RBFOX2: variants seen among roughly 807,000 people sequenced by gnomAD.
RBFOX2 encodes the protein RNA binding protein fox-1 homolog 2.
A neutral mutation model predicts 49.1 loss-of-function variants in RBFOX2; 10 were observed. That is an observed-to-expected ratio of 0.20 (90% confidence interval 0.13 to 0.35). The LOEUF is 0.35. Among genes scored for constraint, RBFOX2 ranks in the 10% least tolerant of loss-of-function variants. The probability of loss-of-function intolerance (pLI) is 1.00; values close to 1 mark genes in which losing one functional copy is unlikely to be tolerated. For missense variants in RBFOX2, 323 were observed against 486.9 expected, an observed-to-expected ratio of 0.66 and a Z score of 3.17; for synonymous variants, 183 against 187.4, an observed-to-expected ratio of 0.98 and a Z score of 0.19.
intron 1 of RBFOX2, among the ~76,000 whole-genome samples, chr22:35,850,423 G>A (rs1403795144): frequency 6.6e-6 from 1 of 152,058 alleles, no homozygotes; most frequent in Non-Finnish European, 1.5e-5. Context: ...AGGACAGCTG[G>A]CAGGATCAGC....
intron 1 of RBFOX2, among the ~76,000 whole-genome samples, chr22:36,015,292 A>G (rs2058991162): frequency 6.6e-6 from 1 of 152,244 alleles, no homozygotes; most frequent in Non-Finnish European, 1.5e-5. Context: ...ACATATATGA[A>G]ACGGACTGCT....
chr22:35,866,234 GTATTTCCTAAATACCTTTGTAGTCT>G (rs1203468881), intron 1 of RBFOX2, among the ~76,000 whole-genome samples: 9 of 152,082 alleles, frequency 5.9e-5, no homozygotes, highest in Admixed American at 1.3e-4. Context: ...AATTAAATAT[GTATTTCCTAAATACCTTTGTAGTCT>G]TATGATTCTT....
intron 1 of RBFOX2, among the ~76,000 whole-genome samples, chr22:36,021,515 TA>T (rs757474309): frequency 1.1e-3 from 157 of 142,616 alleles, no homozygotes; most frequent in African/African-American, 1.9e-3. Context: ...CAAATGCTAC[TA>T]AAAAAAAAAA....
intron 2 of RBFOX2, among the ~76,000 whole-genome samples, chr22:35,803,499 G>C (rs2147938456): frequency 6.6e-6 from 1 of 152,152 alleles, no homozygotes; most frequent in Middle Eastern, 3.4e-3. Flanking sequence ...AACATAGCGA[G>C]ACCCTGCCTC....
chr22:35,864,179 A>AC (rs1320287105), intron 1 of RBFOX2, among the ~76,000 whole-genome samples: 1 of 152,208 alleles, frequency 6.6e-6, no homozygotes, highest in Non-Finnish European at 1.5e-5. Context: ...GTACAGCTGA[A>AC]CATAAAATAT....
At chr22:35,776,514 A>C (rs1943946524) in intron 4 of RBFOX2, among the ~76,000 whole-genome samples, 1 of 152,202 alleles carries the variant, frequency 6.6e-6, no homozygotes, top group Non-Finnish European at 1.5e-5. Context: ...CAGCACATAC[A>C]TTTTTAAGTG....
intron 1 of RBFOX2, chr22:35,996,657 G>T (rs2058206398): frequency 6.6e-6 from 1 of 151,386 alleles, no homozygotes. Flanking sequence ...AACTGTAAAG[G>T]CAAGACACCT....
At chr22:35,772,332 A>G (rs1250181507) in intron 4 of RBFOX2, among the ~76,000 whole-genome samples, 1 of 152,238 alleles carries the variant, frequency 6.6e-6, no homozygotes, top group Non-Finnish European at 1.5e-5. Flanking sequence ...ACCACATTTA[A>G]AAAGTAGAAA....
At chr22:35,865,519 T>G (rs2043574668) in intron 1 of RBFOX2, among the ~76,000 whole-genome samples, 1 of 152,146 alleles carries the variant, frequency 6.6e-6, no homozygotes. Flanking sequence ...CCTGGAAAAC[T>G]AAGTTTCTTT....
chr22:35,904,004 C>T (rs559148273), intron 1 of RBFOX2, among the ~76,000 whole-genome samples: 17 of 152,268 alleles, frequency 1.1e-4, no homozygotes, highest in Middle Eastern at 3.4e-3. Flanking sequence ...TATGTGCCCA[C>T]TTCTCCAACC....
exon 2 of RBFOX2, chr22:35,809,882 A>G (rs1197810757): frequency 1.2e-6 from 2 of 1,614,060 alleles, no homozygotes; most frequent in Non-Finnish European, 1.7e-6. Flanking sequence ...TCTGGCCGGC[A>G]TAGTCTTGAG....
chr22:35,776,615 C>A (rs577326390), intron 4 of RBFOX2, among the ~76,000 whole-genome samples: 1 of 152,224 alleles, frequency 6.6e-6, no homozygotes, highest in African/African-American at 2.4e-5. Context: ...TAAATATTAG[C>A]TCATTTATTG....
At chr22:35,846,176 A>C (rs1251471540) in intron 1 of RBFOX2, among the ~76,000 whole-genome samples, 1 of 149,882 alleles carries the variant, frequency 6.7e-6, no homozygotes, top group Non-Finnish European at 1.5e-5. Flanking sequence ...TATAATTATA[A>C]ACTTGCATAT....
chr22:35,953,658 A>T (rs1384266690), intron 1 of RBFOX2, among the ~76,000 whole-genome samples: 1 of 152,210 alleles, frequency 6.6e-6, no homozygotes, highest in African/African-American at 2.4e-5. Context: ...ATTTTATGTT[A>T]TATGAATTTA....
intron 1 of RBFOX2, among the ~76,000 whole-genome samples, chr22:35,928,645 C>T (rs1047287749): frequency 2.0e-5 from 3 of 152,076 alleles, no homozygotes; most frequent in Non-Finnish European, 4.4e-5. Context: ...TGGAGAAGGA[C>T]GAAGATACAT....
At chr22:35,760,922 C>T (rs1938581891) in intron 8 of RBFOX2, among the ~76,000 whole-genome samples, 1 of 152,208 alleles carries the variant, frequency 6.6e-6, no homozygotes, top group South Asian at 2.1e-4. Context: ...CACATACTTG[C>T]TTCTTTTGTT....
intron 4 of RBFOX2, among the ~76,000 whole-genome samples, chr22:35,772,789 G>A (rs1425190230): frequency 1.3e-5 from 2 of 152,186 alleles, no homozygotes; most frequent in East Asian, 1.9e-4. Context: ...GGACATATAG[G>A]AGCCAAGTAA....
At chr22:35,910,535 G>C (rs999962120) in intron 1 of RBFOX2, among the ~76,000 whole-genome samples, 8 of 152,286 alleles carry the variant, frequency 5.3e-5, no homozygotes, top group African/African-American at 1.9e-4. Flanking sequence ...GACAGCTTAA[G>C]GGTTTTTGTT....
chr22:35,790,979 G>A (rs1947481958), intron 2 of RBFOX2, among the ~76,000 whole-genome samples: 1 of 152,000 alleles, frequency 6.6e-6, no homozygotes, highest in African/African-American at 2.4e-5. Context: ...CTGCACTCCT[G>A]CCTGGGCGAC....
Sources: allele counts gnomAD v4.1 joint callset (sites outside exome capture counted in the v4.1 genomes callset), GRCh38; gene constraint gnomAD v4.1.1; transcripts MANE v1.5; gene names NCBI Gene and HGNC (gene_info 2026-07-23, HGNC 2026-07-21).